The following TP63 variants were observed in gnomAD, a reference collection of about 807,000 sequenced individuals.
TP63 encodes tumor protein 63.
TP63 carries 17 observed loss-of-function variants against 82.8 expected under a neutral mutation model. That is an observed-to-expected ratio of 0.21 (90% CI 0.14 to 0.31). The LOEUF (loss-of-function observed/expected upper bound fraction) is 0.31, where lower values mean the gene tolerates loss of function less well. TP63 is among the 10% of genes least tolerant of loss of function. The pLI, the probability that TP63 is intolerant of heterozygous loss-of-function variation, is 1.00. For synonymous variants in TP63, 330 were observed against 321.7 expected (o/e 1.03, Z -0.28); for missense variants, 648 against 895.3 (o/e 0.72, Z 3.52).
At chr3:189,886,307 T>C in intron 10 of TP63, 87 bp from the exon 11 acceptor site, 4 of 1,435,828 alleles carry the variant, frequency 2.8e-6, no homozygotes, top group Non-Finnish European at 3.9e-6. Flanking sequence ...TTTGAGGCCA[T>C]GTTTTAAACA....
chr3:189,885,777 T>C (rs1720382411), intron 10 of TP63, among the ~76,000 whole-genome samples: 1 of 152,216 alleles, frequency 6.6e-6, no homozygotes, highest in Admixed American at 6.5e-5. Flanking sequence ...AGCGTTCTCC[T>C]GTGTAGAAAT....
intron 10 of TP63, among the ~76,000 whole-genome samples, chr3:189,879,637 C>A (rs888768837): frequency 6.6e-6 from 1 of 151,950 alleles, no homozygotes; most frequent in Non-Finnish European, 1.5e-5. Context: ...CTTCTTCATT[C>A]CTTTTTTTTA....
chr3:189,682,536 GAAAAAAA>G (rs375284237), intron 1 of TP63, among the ~76,000 whole-genome samples: 182 of 19,044 alleles, frequency 9.6e-3, no homozygotes, highest in East Asian at 0.04. Context: ...GTCCTAAGGG[GAAAAAAA>G]AAAAAAAAAA....
intron 1 of TP63, among the ~76,000 whole-genome samples, chr3:189,642,661 G>T (rs112300057): frequency 3.7e-3 from 568 of 152,166 alleles, no homozygotes; most frequent in African/African-American, 0.012. Context: ...CTGGCACACA[G>T]TAAGTACTAC....
rs189147102 is a variant in TP63, at chr3:189,739,513, A to G, written c.324+739A>G. 5.6e-4 allele frequency among the ~76,000 whole-genome samples: 85 copies of G among 152,344 alleles called. 1 individual carries two copies. Among genetic ancestry groups the G allele is most frequent in the Non-Finnish European group, 3.8e-4 (26 of 68,028 alleles). ...TTTAATGCAGGAGGAATTTATGCAC[A>G]TGAATTCTATGTGCATATGCAGGTT... On this transcript the variant is annotated intron_variant, in intron 3 of 13. Transcript: ENST00000264731.
At chr3:189,880,533 C>T in intron 10 of TP63, 1 of 992,256 alleles carries the variant, frequency 1.0e-6, no homozygotes, top group East Asian at 1.1e-4. Flanking sequence ...CTGTCTTCTT[C>T]TGTTGTTTTT....
At chr3:189,630,561 A>G (rs1729419220), upstream of TP63, among the ~76,000 whole-genome samples, 1 of 152,166 alleles carries the variant, frequency 6.6e-6, no homozygotes, top group Non-Finnish European at 1.5e-5. Context: ...GCCGACTGAG[A>G]GATTAAAATA....
rs562140413 is a variant in TP63 at position 189,658,151 on chromosome 3, A to G, written c.62+26574A>G. Among the ~76,000 whole-genome samples, 43 of 152,242 alleles carry G rather than the reference A, an allele frequency of 2.8e-4. No homozygotes were observed. The Middle Eastern group carries it at 0.01, about 36-fold the overall frequency. ...ATATGTCAGTGGTACAAAGGCACCA[A>G]CTGAAGAGCTCCCAACCCACAAAAA... On this transcript the variant is annotated intron_variant, in intron 1 of 13. Transcript: ENST00000264731.
chr3:189,732,213 G>A (rs891881590), intron 1 of TP63, among the ~76,000 whole-genome samples: 1 of 151,626 alleles, frequency 6.6e-6, no homozygotes, highest in African/African-American at 2.4e-5. Flanking sequence ...AGGAAACTGA[G>A]GATATCTGGA....
intron 3 of TP63, among the ~76,000 whole-genome samples, chr3:189,807,585 A>G (rs1008927123): frequency 6.6e-6 from 1 of 152,226 alleles, no homozygotes; most frequent in African/African-American, 2.4e-5. Context: ...ATAAATTTCT[A>G]TTAAGAAAAT....
intron 1 of TP63, among the ~76,000 whole-genome samples, chr3:189,680,648 G>A (rs947672671): frequency 1.3e-5 from 2 of 152,164 alleles, no homozygotes; most frequent in Non-Finnish European, 2.9e-5. Context: ...ATCAATATAT[G>A]TGACATATCA....
intron 4 of TP63, among the ~76,000 whole-genome samples, chr3:189,822,572 C>CTTGTAACAT (rs1728908181): frequency 6.6e-6 from 1 of 152,102 alleles, no homozygotes; most frequent in African/African-American, 2.4e-5. Context: ...TAGTATTTAT[C>CTTGTAACAT]TTGTAACATT....
intron 3 of TP63, among the ~76,000 whole-genome samples, chr3:189,793,142 T>C (rs184714815): frequency 6.6e-6 from 1 of 152,162 alleles, no homozygotes; most frequent in African/African-American, 2.4e-5. Flanking sequence ...TACAGTTGGT[T>C]GTCCTCGAGC....
At chr3:189,661,032 G>T (rs1713835049) in intron 1 of TP63, among the ~76,000 whole-genome samples, 1 of 151,968 alleles carries the variant, frequency 6.6e-6, no homozygotes, top group African/African-American at 2.4e-5. Flanking sequence ...GAGAGACTTT[G>T]ACTTCTTCCT....
Position 189,789,863 on chromosome 3 carries a change from C to T in TP63, c.325-18409C>T, listed in dbSNP as rs947133137. ...GTGAGGTAAGGATTTTAGATTTTAG[C>T]ACTCCATTTAGAGATGCTTTTTAAT... is the stretch of plus-strand genomic sequence containing the variant. On this transcript the variant is annotated intron_variant, in intron 3 of 13. Coordinates refer to ENST00000264731, the MANE Select transcript of TP63 (RefSeq NM_003722.5). 6 of 1,566,518 alleles carry T rather than the reference C, an allele frequency of 3.8e-6. No individual in the cohort carries two copies. In the African/African-American group the frequency reaches 6.9e-5, roughly 18 times the overall value.
intron 1 of TP63, among the ~76,000 whole-genome samples, chr3:189,717,838 A>G (rs879632823): frequency 6.6e-6 from 1 of 152,216 alleles, no homozygotes; most frequent in African/African-American, 2.4e-5. Flanking sequence ...CCCTGAGCTT[A>G]GAAAGGGAAG....
intron 10 of TP63, among the ~76,000 whole-genome samples, chr3:189,884,440 G>T (rs770664413): frequency 2.6e-5 from 4 of 152,174 alleles, no homozygotes; most frequent in Non-Finnish European, 4.4e-5. Flanking sequence ...TGCCCTCAGT[G>T]CATCCATTTA....
At chr3:189,893,701 A>G (rs1721245690) in intron 13 of TP63, among the ~76,000 whole-genome samples, 1 of 152,156 alleles carries the variant, frequency 6.6e-6, no homozygotes, top group Admixed American at 6.5e-5. Context: ...CAGTTGTTCT[A>G]TCTATAAAAC....
intron 1 of TP63, among the ~76,000 whole-genome samples, chr3:189,696,901 T>C (rs1281169514): frequency 6.6e-6 from 1 of 152,158 alleles, no homozygotes; most frequent in African/African-American, 2.4e-5. Flanking sequence ...ATTGTTGAAT[T>C]TTAAGAGTTC....
Sources: gnomAD v4.1 joint callset for allele counts (sites outside exome capture counted in the v4.1 genomes callset) on GRCh38, gnomAD v4.1.1 for gene constraint, MANE v1.5 for transcripts, NCBI Gene and HGNC (gene_info 2026-07-23, HGNC 2026-07-21) for gene names.